ARHGAP26: variants seen among roughly 807,000 people sequenced by gnomAD.
ARHGAP26 encodes the protein rho GTPase-activating protein 26.
A neutral mutation model predicts 104.8 loss-of-function variants in ARHGAP26; 38 were observed. That is an observed-to-expected ratio of 0.36 (90% CI 0.28 to 0.48). The LOEUF is 0.48. Among genes scored for constraint, ARHGAP26 ranks in the 20% least tolerant of loss-of-function variants. The pLI, the probability that ARHGAP26 is intolerant of heterozygous loss-of-function variation, is 0.99. For missense variants in ARHGAP26, 704 were observed against 947.9 expected (o/e 0.74, Z 3.38); for synonymous variants, 341 against 340.0 (o/e 1.00, Z -0.03).
At chr5:142,983,496 A>C (rs957611700) in intron 11 of ARHGAP26, among the ~76,000 whole-genome samples, 3 of 152,232 alleles carry the variant, frequency 2.0e-5, no homozygotes, top group African/African-American at 7.2e-5. Flanking sequence ...GTGAGCCTCC[A>C]CGACCAGCCT....
At chr5:142,801,935 A>G (rs949746652) in intron 1 of ARHGAP26, among the ~76,000 whole-genome samples, 4 of 152,096 alleles carry the variant, frequency 2.6e-5, no homozygotes, top group Non-Finnish European at 5.9e-5. Context: ...GTCTGGTGAG[A>G]CTGGAGTGGG....
At chr5:142,992,775 C>T (rs894065316) in intron 11 of ARHGAP26, among the ~76,000 whole-genome samples, 7 of 152,154 alleles carry the variant, frequency 4.6e-5, no homozygotes, top group Non-Finnish European at 8.8e-5. Context: ...AGCTGCCATA[C>T]AGAGACCATA....
At chr5:143,158,811 T>G (rs960267572) in intron 20 of ARHGAP26, among the ~76,000 whole-genome samples, 1 of 152,212 alleles carries the variant, frequency 6.6e-6, no homozygotes, top group Non-Finnish European at 1.5e-5. Context: ...GACTACCCTA[T>G]TACCTCTTGT....
chr5:142,929,543 CA>C (rs1472343704), intron 10 of ARHGAP26, among the ~76,000 whole-genome samples: 2 of 152,162 alleles, frequency 1.3e-5, no homozygotes, highest in African/African-American at 4.8e-5. Flanking sequence ...AATTCACATG[CA>C]AGACATGTGA....
At chr5:143,136,613 G>T (rs1418995714) in intron 19 of ARHGAP26, among the ~76,000 whole-genome samples, 2 of 152,180 alleles carry the variant, frequency 1.3e-5, no homozygotes, top group Non-Finnish European at 2.9e-5. Flanking sequence ...GGCATGGAAG[G>T]CACCCTGTGG....
chr5:143,116,113 GT>G lies in ARHGAP26; in HGVS notation c.1539-4874del, dbSNP rs1174980768. On this transcript the variant is annotated intron_variant, in intron 17 of 22. Transcript: ENST00000645722. ...TGTGCCTGTCTGTTTATGTATGTGT[GT>G]ATTGCTTGGTAAAATATACTTCCTA... Among the ~76,000 whole-genome samples the G allele has an allele frequency of 4.6e-5, 7 of 152,174 alleles. No individual in the cohort carries two copies. The South Asian group carries it at 1.2e-3, about 27-fold the overall frequency.
chr5:143,098,679 G>C (rs891253005), intron 17 of ARHGAP26, among the ~76,000 whole-genome samples: 2 of 152,146 alleles, frequency 1.3e-5, no homozygotes, highest in Admixed American at 1.3e-4. Flanking sequence ...TCATGGATCT[G>C]TTCTTTCTTA....
intron 5 of ARHGAP26, among the ~76,000 whole-genome samples, chr5:142,892,883 T>C (rs1465489146): frequency 1.3e-5 from 2 of 152,138 alleles, no homozygotes; most frequent in Non-Finnish European, 2.9e-5. Context: ...GCCATAGTCA[T>C]CCTACTGTGT....
chr5:142,789,193 G>A (rs2151898034), intron 1 of ARHGAP26, among the ~76,000 whole-genome samples: 1 of 152,342 alleles, frequency 6.6e-6, no homozygotes, highest in South Asian at 2.1e-4. Flanking sequence ...CAAAGCAGCA[G>A]ACACAAAAAT....
chr5:143,199,962 G>A (rs1287547578), intron 20 of ARHGAP26, among the ~76,000 whole-genome samples: 2 of 152,256 alleles, frequency 1.3e-5, no homozygotes, highest in Non-Finnish European at 2.9e-5. Context: ...TCCAGGTTGT[G>A]GATATCTGTC....
chr5:143,217,699 T>A (rs890782681), intron 22 of ARHGAP26, among the ~76,000 whole-genome samples: 1 of 151,960 alleles, frequency 6.6e-6, no homozygotes, highest in Non-Finnish European at 1.5e-5. Flanking sequence ...CACTCAGGGA[T>A]CTCCTTCAGT....
intron 22 of ARHGAP26, 54 bp downstream of exon 22, chr5:143,214,142 G>A (rs1809958124): frequency 2.4e-6 from 2 of 846,644 alleles, no homozygotes; most frequent in Non-Finnish European, 1.9e-6. Flanking sequence ...GGCAAGGGGA[G>A]CACATAAATA....
intron 12 of ARHGAP26, among the ~76,000 whole-genome samples, chr5:143,025,463 C>G (rs1220748199): frequency 2.0e-5 from 3 of 152,196 alleles, no homozygotes; most frequent in Non-Finnish European, 2.9e-5. Context: ...CACTTCCACC[C>G]TCAGAAAGCT....
At chr5:143,045,385 A>G (rs1048411365) in intron 14 of ARHGAP26, among the ~76,000 whole-genome samples, 1 of 151,692 alleles carries the variant, frequency 6.6e-6, no homozygotes, top group South Asian at 2.1e-4. Context: ...TACGAGTTAA[A>G]TAAGTTTGAA....
intron 20 of ARHGAP26, chr5:143,192,545 G>A (rs1049894077): frequency 6.6e-6 from 1 of 152,206 alleles, no homozygotes; most frequent in African/African-American, 2.4e-5. Flanking sequence ...TCTCAGTTTT[G>A]CCTCTTGGCC....
chr5:142,816,558 G>A (rs1308591400), intron 1 of ARHGAP26, among the ~76,000 whole-genome samples: 1 of 152,222 alleles, frequency 6.6e-6, no homozygotes, highest in East Asian at 1.9e-4. Flanking sequence ...GGAGAAAGAG[G>A]AGTTGAGTCA....
At chr5:143,134,266 C>T (rs1797682703) in intron 19 of ARHGAP26, among the ~76,000 whole-genome samples, 161 bp downstream of exon 19, 1 of 152,160 alleles carries the variant, frequency 6.6e-6, no homozygotes, top group African/African-American at 2.4e-5. Flanking sequence ...TGCTGAGTAA[C>T]CCTGATAGGA....
rs142982134 is a variant in ARHGAP26, at chr5:142,843,214, C to T, written c.155-30186C>T. On this transcript the variant is annotated intron_variant, in intron 1 of 22. Transcript: ENST00000645722. ...TGATGTTGGATAGTTGGCTCTGGGA[C>T]CCAGGCATGCTCCCAAGTCTCTCTG... 1.9e-3 allele frequency among the ~76,000 whole-genome samples: 286 copies of T among 152,302 alleles called. 2 individuals carry two copies. The highest frequency in any genetic ancestry group is 6.6e-3 in the African/African-American group (274 of 41,562).
At position 142,796,498 on chromosome 5, in the gene ARHGAP26, G is replaced by C. The variant is rs562100658; in HGVS notation, c.154+25583G>C. Among the ~76,000 whole-genome samples the C allele has an allele frequency of 2.0e-5, 3 of 152,304 alleles. No homozygotes were observed. In the South Asian group the frequency reaches 6.2e-4, roughly 32 times the overall value. On this transcript the variant is annotated intron_variant, in intron 1 of 22. Coordinates refer to ENST00000645722, the MANE Select transcript of ARHGAP26 (RefSeq NM_001135608.3). The stretch of plus-strand genomic sequence containing the variant: ...TTCCCACATATATTTCCTAAAAACA[G>C]TTTGAATTTCATTGGTGGGCAAAGT...
Sources: allele counts gnomAD v4.1 joint callset (sites outside exome capture counted in the v4.1 genomes callset), GRCh38; gene constraint gnomAD v4.1.1; transcripts MANE v1.5; gene names NCBI Gene and HGNC (gene_info 2026-07-23, HGNC 2026-07-21).